The following PPP1R9A variants were observed in gnomAD, a reference collection of about 807,000 sequenced individuals.
PPP1R9A encodes the protein protein phosphatase 1 regulatory subunit 9A.
PPP1R9A carries 59 observed loss-of-function variants against 141.9 expected under a neutral mutation model. The observed-to-expected ratio is 0.42, with a 90% CI of 0.34 to 0.52. PPP1R9A has a LOEUF of 0.52. Ranked by LOEUF, PPP1R9A falls within the 20% of genes least tolerant of loss-of-function variation. The probability of loss-of-function intolerance (pLI) is 0.10; values close to 1 mark genes in which losing one functional copy is unlikely to be tolerated. For synonymous variants in PPP1R9A, 500 were observed against 569.7 expected, an observed-to-expected ratio of 0.88 and a Z score of 1.74; for missense variants, 1,444 against 1,611.9, an observed-to-expected ratio of 0.90 and a Z score of 1.78.
intron 2 of PPP1R9A, among the ~76,000 whole-genome samples, chr7:95,096,121 G>C (rs1817982674): frequency 6.6e-6 from 1 of 152,102 alleles, no homozygotes; most frequent in Non-Finnish European, 1.5e-5. Context: ...CCTCAAGTAT[G>C]AATTCTCTTT....
chr7:95,206,357 T>G (rs1790790226), intron 7 of PPP1R9A, among the ~76,000 whole-genome samples: 2 of 152,188 alleles, frequency 1.3e-5, no homozygotes, highest in South Asian at 4.1e-4. Flanking sequence ...ATTTTTTTAA[T>G]GGATTTATTG....
intron 2 of PPP1R9A, among the ~76,000 whole-genome samples, chr7:94,955,319 ATATC>A (rs1468407400): frequency 2.6e-5 from 4 of 152,128 alleles, no homozygotes; most frequent in African/African-American, 9.7e-5. Context: ...ACTTCTTAAA[ATATC>A]TATCAAAGTA....
At position 95,234,618 on chromosome 7, in the gene PPP1R9A, A is replaced by G. The variant is rs556312854; in HGVS notation, c.2112+8502A>G. ...ACCATATTGCAAAAAGCAATCTACA[A>G]ATTCCTTGCAATTCCCATAAAAATA... On this transcript the variant is annotated intron_variant, in intron 8 of 19. Transcript: ENST00000433360. Among the ~76,000 whole-genome samples the G allele has an allele frequency of 7.9e-5, 12 of 152,226 alleles. 1 individual carries two copies. Among genetic ancestry groups the G allele is most frequent in the African/African-American group, 1.7e-4 (7 of 41,544 alleles).
intron 5 of PPP1R9A, among the ~76,000 whole-genome samples, chr7:95,165,292 A>T (rs1234431909): frequency 6.6e-6 from 1 of 152,218 alleles, no homozygotes; most frequent in Non-Finnish European, 1.5e-5. Flanking sequence ...TATAAAAGGC[A>T]CTGTGGCTTT....
chr7:94,992,851 T>G, intron 2 of PPP1R9A, among the ~76,000 whole-genome samples: 1 of 152,244 alleles, frequency 6.6e-6, no homozygotes, highest in Admixed American at 6.5e-5. Flanking sequence ...GAGTTATTTA[T>G]TCTGAATATA....
intron 4 of PPP1R9A, among the ~76,000 whole-genome samples, chr7:95,142,762 T>A (rs561144543): frequency 6.6e-6 from 1 of 152,166 alleles, no homozygotes; most frequent in Non-Finnish European, 1.5e-5. Flanking sequence ...GATAATGAGA[T>A]GAGTTAGAGG....
In PPP1R9A at chr7:94,916,140, T is replaced by G. The variant is rs17166521; in HGVS notation, c.1395+4632T>G. ...CAGCTTGCATTCTCATTATCAATAC[T>G]TGGCCCAGCCTGAGTGTTGCCTCTG... On this transcript the variant is annotated intron_variant, in intron 2 of 19. Transcript: ENST00000433360. Among the ~76,000 whole-genome samples the G allele has an allele frequency of 3.7e-3, 565 of 151,838 alleles. 21 individuals are homozygous for G. The highest frequency in any genetic ancestry group is 0.032 in the East Asian group (165 of 5,184).
Position 95,273,923 on chromosome 7 carries a change from T to TA in PPP1R9A, c.3151dup (p.Arg1051LysfsTer14). On this transcript the variant is annotated frameshift_variant, in exon 15 of 20. Coordinates refer to ENST00000433360, the MANE Select transcript of PPP1R9A (RefSeq NM_001166160.2). LOFTEE classifies it high-confidence loss of function. ...GATGATGCCAAAGATCCCAAATCAC[T>TA]AAGGGCATCCAGTTCATTGGCGGTG... is the stretch of plus-strand genomic sequence containing the variant. 6.6e-7 allele frequency: 1 copy of TA among 1,504,664 alleles called. No homozygotes were observed. The highest frequency in any genetic ancestry group is 9.1e-7 in the Non-Finnish European group (1 of 1,095,092). The allele number at this position is 1,504,664 out of a possible 1,614,324, so 93.2% of individuals were successfully genotyped here. A position where few individuals can be genotyped will look rare whatever the true frequency, so the allele number is the denominator to read the frequency against.
At chr7:94,988,049 A>G (rs1801062347) in intron 2 of PPP1R9A, among the ~76,000 whole-genome samples, 1 of 152,158 alleles carries the variant, frequency 6.6e-6, no homozygotes, top group Admixed American at 6.6e-5. Context: ...GAATTGGATC[A>G]GAGGTTCATT....
Position 95,207,628 on chromosome 7 carries a change from A to G in PPP1R9A, c.1956+3898A>G, listed in dbSNP as rs114007227. Among the ~76,000 whole-genome samples the G allele has an allele frequency of 8.6e-3, 1,314 of 152,300 alleles. 16 individuals carry two copies. Among genetic ancestry groups the G allele is most frequent in the African/African-American group, 0.03 (1,261 of 41,572 alleles). ...AAATCTGTCACTTTTTATATTTGAC[A>G]TTGTACTGGAAGGCAAGTAAAAGAA... On this transcript the variant is annotated intron_variant, in intron 7 of 19. Transcript: ENST00000433360.
intron 12 of PPP1R9A, among the ~76,000 whole-genome samples, chr7:95,266,713 A>G (rs530961168): frequency 6.6e-6 from 1 of 152,302 alleles, no homozygotes; most frequent in South Asian, 2.1e-4. Flanking sequence ...AGAGCATACA[A>G]TCCAAATATG....
intron 2 of PPP1R9A, among the ~76,000 whole-genome samples, chr7:95,055,779 C>G (rs1302594309): frequency 6.6e-6 from 1 of 152,076 alleles, no homozygotes; most frequent in African/African-American, 2.4e-5. Flanking sequence ...ACCTTGTACT[C>G]TAGGAAGCGT....
intron 4 of PPP1R9A, among the ~76,000 whole-genome samples, chr7:95,146,159 C>A (rs1452245270): frequency 1.3e-5 from 2 of 152,176 alleles, no homozygotes; most frequent in Admixed American, 1.3e-4. Flanking sequence ...GCTCCAGCAT[C>A]TGTTGTTTCC....
intron 2 of PPP1R9A, among the ~76,000 whole-genome samples, chr7:95,041,392 T>C (rs1187608334): frequency 6.6e-6 from 1 of 152,212 alleles, no homozygotes; most frequent in Non-Finnish European, 1.5e-5. Flanking sequence ...GAAACTTGCA[T>C]TGGTAGAATT....
chr7:95,157,266 C>A (rs1433638906), intron 4 of PPP1R9A, among the ~76,000 whole-genome samples: 4 of 152,166 alleles, frequency 2.6e-5, no homozygotes, highest in African/African-American at 7.2e-5. Context: ...TCTCCCCCCC[C>A]AGAGTGCAGG....
chr7:95,190,061 C>A (rs536547310), intron 5 of PPP1R9A, among the ~76,000 whole-genome samples: 2 of 152,036 alleles, frequency 1.3e-5, no homozygotes, highest in East Asian at 3.9e-4. Flanking sequence ...TCAGAGATTT[C>A]TTCTTGGTTT....
chr7:95,126,318 A>G (rs1407766972), intron 4 of PPP1R9A, among the ~76,000 whole-genome samples: 1 of 152,168 alleles, frequency 6.6e-6, no homozygotes, highest in Non-Finnish European at 1.5e-5. Flanking sequence ...CAGTAACATT[A>G]AACAAACCCT....
chr7:95,268,753 C>T (rs1563531030), intron 13 of PPP1R9A, 46 bp downstream of exon 13: 1 of 1,587,824 alleles, frequency 6.3e-7, no homozygotes, highest in South Asian at 1.1e-5. Context: ...TGGAGTATAT[C>T]ATTGTTCCTA....
chr7:95,111,212 G>GTT (rs759836663), intron 2 of PPP1R9A, 47 bp from the exon 3 acceptor site: 2,899 of 1,238,704 alleles, frequency 2.3e-3, no homozygotes, highest in South Asian at 6.5e-3. Context: ...TACCTGGCAG[G>GTT]TTTTTTTTTT....
Sources: gnomAD v4.1 joint callset for allele counts (sites outside exome capture counted in the v4.1 genomes callset) on GRCh38, gnomAD v4.1.1 for gene constraint, MANE v1.5 for transcripts, NCBI Gene and HGNC (gene_info 2026-07-23, HGNC 2026-07-21) for gene names.